The following CDH12 variants were observed in gnomAD, a reference collection of about 807,000 sequenced individuals.
CDH12 encodes the protein cadherin-12.
Under a neutral mutation model 74.1 loss-of-function variants are expected in CDH12, and 41 were observed. That is an observed-to-expected ratio of 0.55 (90% CI 0.43 to 0.72). The LOEUF is 0.72. Ranked by LOEUF, CDH12 falls within the 30% of genes least tolerant of loss-of-function variation. The pLI is 0.00. For synonymous variants in CDH12, 399 were observed against 355.0 expected (o/e 1.12, Z -1.39); for missense variants, 945 against 977.2 (o/e 0.97, Z 0.44).
chr5:22,226,247 C>T (rs1304106305), intron 3 of CDH12, among the ~76,000 whole-genome samples: 1 of 151,822 alleles, frequency 6.6e-6, no homozygotes, highest in East Asian at 1.9e-4. Context: ...GACCCTCCCC[C>T]TTGGATGACA....
chr5:21,889,047 T>C (rs1752774011), intron 6 of CDH12, among the ~76,000 whole-genome samples: 1 of 152,120 alleles, frequency 6.6e-6, no homozygotes, highest in Admixed American at 6.6e-5. Flanking sequence ...CATATGATTA[T>C]ATATTTCTGA....
At chr5:22,051,188 G>A (rs1740336012) in intron 5 of CDH12, among the ~76,000 whole-genome samples, 2 of 151,900 alleles carry the variant, frequency 1.3e-5, no homozygotes, top group Admixed American at 1.3e-4. Flanking sequence ...GGACCCACCG[G>A]GAGATGGAAT....
At chr5:22,456,107 TTATATATATATATA>T (rs36020133) in intron 2 of CDH12, among the ~76,000 whole-genome samples, 2 of 147,814 alleles carry the variant, frequency 1.4e-5, no homozygotes, top group Admixed American at 6.7e-5. Flanking sequence ...CATGTGGATA[TTATATATATATATA>T]TATATATATA....
chr5:22,383,441 G>A (rs772744830), intron 3 of CDH12, among the ~76,000 whole-genome samples: 5 of 152,124 alleles, frequency 3.3e-5, no homozygotes, highest in Admixed American at 6.5e-5. Flanking sequence ...ACATGGGGAA[G>A]GTCCTATTGC....
chr5:22,537,628 C>T (rs545564853), intron 1 of CDH12, among the ~76,000 whole-genome samples: 1 of 152,218 alleles, frequency 6.6e-6, no homozygotes, highest in South Asian at 2.1e-4. Flanking sequence ...ACCTCTGCTC[C>T]AACCAGAGAC....
chr5:21,969,384 C>T lies in CDH12; in HGVS notation c.526+5707G>A, dbSNP rs1027130673. ...AGTGATCCCAGCTTTCTTGTATTCGCGTTGCACTTACTTGTAGAATATGGC... is the reference window on the plus strand; with the variant it reads ...AGTGATCCCAGCTTTCTTGTATTCGTGTTGCACTTACTTGTAGAATATGGC... On this transcript the variant is annotated intron_variant, in intron 6 of 14. Coordinates refer to ENST00000382254, the MANE Select transcript of CDH12 (RefSeq NM_004061.5). 4.6e-5 allele frequency among the ~76,000 whole-genome samples: 7 copies of T among 152,088 alleles called. 1 individual carries two copies. The highest frequency in any genetic ancestry group is 8.8e-5 in the Non-Finnish European group (6 of 68,006).
chr5:22,781,528 C>T (rs1747383250), intron 1 of CDH12, among the ~76,000 whole-genome samples: 2 of 152,188 alleles, frequency 1.3e-5, no homozygotes, highest in South Asian at 4.1e-4. Context: ...CATTTCTCCC[C>T]TTGCACTGAC....
At chr5:22,097,232 G>T (rs187799732) in intron 4 of CDH12, among the ~76,000 whole-genome samples, 66 of 152,152 alleles carry the variant, frequency 4.3e-4, no homozygotes, top group African/African-American at 1.5e-3. Context: ...AACTCACCTG[G>T]CAGCCACTCC....
chr5:21,871,048 A>C (rs61140793), intron 6 of CDH12, among the ~76,000 whole-genome samples: 7,728 of 152,192 alleles, frequency 0.051, 612 homozygotes, highest in African/African-American at 0.17. Flanking sequence ...ATGACTAACA[A>C]CACCAATTCT....
chr5:22,434,435 T>C (rs1047313218), intron 2 of CDH12, among the ~76,000 whole-genome samples: 1 of 152,126 alleles, frequency 6.6e-6, no homozygotes. Flanking sequence ...ATTTTCCCCA[T>C]TTTGCATTGA....
chr5:22,718,796 C>G (rs1743720755), intron 1 of CDH12, among the ~76,000 whole-genome samples: 2 of 152,136 alleles, frequency 1.3e-5, no homozygotes, highest in Non-Finnish European at 1.5e-5. Context: ...AGTGAGCATT[C>G]TAGGGGGCAT....
chr5:22,434,579 G>A (rs553377212), intron 2 of CDH12, among the ~76,000 whole-genome samples: 33 of 152,012 alleles, frequency 2.2e-4, no homozygotes, highest in Non-Finnish European at 3.7e-4. Context: ...ATCACCAACC[G>A]AATCCATCCT....
chr5:21,755,078 G>T (rs1744309643), intron 14 of CDH12, among the ~76,000 whole-genome samples: 1 of 152,176 alleles, frequency 6.6e-6, no homozygotes, highest in South Asian at 2.1e-4. Flanking sequence ...AAACAGAAAA[G>T]ACAAATTTGA....
intron 1 of CDH12, among the ~76,000 whole-genome samples, chr5:22,769,679 T>C (rs1746707724): frequency 1.3e-5 from 2 of 152,094 alleles, no homozygotes; most frequent in African/African-American, 4.8e-5. Flanking sequence ...TCCTATTAGT[T>C]CTATATTATC....
chr5:22,758,669 T>C (rs1195157069), intron 1 of CDH12, among the ~76,000 whole-genome samples: 2 of 152,184 alleles, frequency 1.3e-5, no homozygotes, highest in African/African-American at 4.8e-5. Context: ...GCTTTAATAA[T>C]ACTAAATTGT....
At chr5:22,004,859 G>A (rs1181319312) in intron 5 of CDH12, among the ~76,000 whole-genome samples, 1 of 151,964 alleles carries the variant, frequency 6.6e-6, no homozygotes, top group African/African-American at 2.4e-5. Context: ...ATGTCCATGT[G>A]TACTCATTGT....
rs376536133 is a variant in CDH12, at chr5:22,540,691, G to T, written c.-522-35327C>A. 3.9e-5 allele frequency among the ~76,000 whole-genome samples: 6 copies of T among 152,186 alleles called. No individual in the cohort carries two copies. In the South Asian group the frequency reaches 1.2e-3, roughly 32 times the overall value. ...GCTTCCACCTACACATAAATTTAAAGAATACATTTGTTGTGTAAATCCAGG... is the reference window on the plus strand; with the variant it reads ...GCTTCCACCTACACATAAATTTAAATAATACATTTGTTGTGTAAATCCAGG... On this transcript the variant is annotated intron_variant, in intron 1 of 14. Transcript: ENST00000382254.
intron 1 of CDH12, among the ~76,000 whole-genome samples, chr5:22,514,399 G>A (rs1736725764): frequency 6.6e-6 from 1 of 152,152 alleles, no homozygotes; most frequent in African/African-American, 2.4e-5. Context: ...GACAAGCACA[G>A]GGAGGAGAGT....
At chr5:22,814,113 T>C (rs1049878992) in intron 1 of CDH12, among the ~76,000 whole-genome samples, 14 of 152,304 alleles carry the variant, frequency 9.2e-5, no homozygotes, top group Non-Finnish European at 1.5e-4. Context: ...TATTTGTTGA[T>C]TTAGTCATTG....
Sources: gnomAD v4.1 joint callset for allele counts (sites outside exome capture counted in the v4.1 genomes callset) on GRCh38, gnomAD v4.1.1 for gene constraint, MANE v1.5 for transcripts, NCBI Gene and HGNC (gene_info 2026-07-23, HGNC 2026-07-21) for gene names.